The following HDAC5 variants were observed in gnomAD, a reference collection of about 807,000 sequenced individuals.
HDAC5 encodes the protein antigen NY-CO-9.
A neutral mutation model predicts 133.3 loss-of-function variants in HDAC5; 25 were observed. The ratio of observed to expected loss-of-function variants is 0.19; its 90% CI spans 0.14 to 0.26. The LOEUF is 0.26. Ranked by LOEUF, HDAC5 falls within the 10% of genes least tolerant of loss-of-function variation. The probability of loss-of-function intolerance (pLI) is 1.00; values close to 1 mark genes in which losing one functional copy is unlikely to be tolerated. For synonymous variants in HDAC5, 589 were observed against 610.8 expected (o/e 0.96, Z 0.53); for missense variants, 1,041 against 1,460.5 (o/e 0.71, Z 4.68).
chr17:44,104,629 G>A (rs551773005), intron 3 of HDAC5, among the ~76,000 whole-genome samples: 13 of 152,302 alleles, frequency 8.5e-5, no homozygotes, highest in African/African-American at 2.9e-4. Flanking sequence ...CACCTGCCTC[G>A]CTACCTCCAG....
At chr17:44,083,223 G>A (rs975048590) in intron 18 of HDAC5, among the ~76,000 whole-genome samples, 3 of 152,040 alleles carry the variant, frequency 2.0e-5, no homozygotes, top group Admixed American at 6.6e-5. Context: ...TGCCCACCTC[G>A]GCCTCCCAAA....
intron 12 of HDAC5, among the ~76,000 whole-genome samples, chr17:44,087,907 G>A (rs889317553): frequency 3.3e-5 from 5 of 151,842 alleles, no homozygotes; most frequent in African/African-American, 1.2e-4. Context: ...GCAGTGGCAC[G>A]ATCTCGGCTC....
intron 14 of HDAC5, among the ~76,000 whole-genome samples, chr17:44,085,513 T>G (rs190351305): frequency 1.8e-4 from 27 of 151,654 alleles, no homozygotes; most frequent in African/African-American, 6.5e-4. Context: ...TAGCTTTTCT[T>G]TTGTTTTTTT....
At chr17:44,120,553 C>G (rs2052922360) in intron 1 of HDAC5, 1 of 152,138 alleles carries the variant, frequency 6.6e-6, no homozygotes, top group Admixed American at 6.5e-5. Context: ...CCAGCCTGAT[C>G]AACATGGAGA....
chr17:44,106,859 C>T (rs999069055), intron 3 of HDAC5, among the ~76,000 whole-genome samples: 5 of 151,916 alleles, frequency 3.3e-5, no homozygotes, highest in African/African-American at 4.8e-5. Flanking sequence ...CCACCGAGCC[C>T]GGCCAAAAGT....
intron 1 of HDAC5, 186 bp downstream of exon 1, chr17:44,123,318 C>G (rs1026495176): frequency 3.1e-5 from 10 of 327,316 alleles, no homozygotes; most frequent in African/African-American, 1.7e-4. Flanking sequence ...CCCGATGTCC[C>G]GCTCACGGGC....
chr17:44,093,085 C>A lies in HDAC5; in HGVS notation c.641+7G>T, dbSNP rs1057127266. 1 of 1,601,078 alleles carries A rather than the reference C, an allele frequency of 6.2e-7. No homozygotes were observed. Among genetic ancestry groups the A allele is most frequent in the Non-Finnish European group, 8.5e-7 (1 of 1,171,724 alleles). ...TATGCCCACCCATGCCTGCCCAGGG[C>A]CATTACCAGCATTTGGGGTGCTGTG... On this transcript the variant is annotated splice_region_variant and intron_variant, in intron 6 of 26. Transcript: ENST00000682912.
intron 3 of HDAC5, among the ~76,000 whole-genome samples, chr17:44,106,693 C>T (rs1483510084): frequency 6.6e-6 from 1 of 151,716 alleles, no homozygotes; most frequent in Admixed American, 6.6e-5. Flanking sequence ...CAGGTTCAAG[C>T]GATTCTCCTG....
chr17:44,082,731 G>A (rs371805085), intron 19 of HDAC5, 34 bp downstream of exon 19: 9 of 1,605,918 alleles, frequency 5.6e-6, no homozygotes, highest in Non-Finnish European at 6.8e-6. Flanking sequence ...CAAGAGACAG[G>A]AAGGGGCGAG....
chr17:44,098,465 G>A (rs188185892), intron 3 of HDAC5, among the ~76,000 whole-genome samples: 2 of 152,326 alleles, frequency 1.3e-5, no homozygotes, highest in East Asian at 3.9e-4. Flanking sequence ...TGGGCCAGGC[G>A]CAGTGGCTCA....
intron 4 of HDAC5, 37 bp from the exon 5 acceptor site, chr17:44,093,522 G>A (rs369971207): frequency 6.3e-7 from 1 of 1,598,594 alleles, no homozygotes; most frequent in Non-Finnish European, 8.5e-7. Flanking sequence ...AAGTGAGCCA[G>A]GCCCGGGCGG....
chr17:44,110,201 G>A (rs1290629912), intron 3 of HDAC5, among the ~76,000 whole-genome samples: 1 of 152,200 alleles, frequency 6.6e-6, no homozygotes, highest in African/African-American at 2.4e-5. Context: ...CATCATGACT[G>A]CACCAAGCCT....
chr17:44,086,510 A>G (rs1039989504), intron 14 of HDAC5, 62 bp downstream of exon 14: 2 of 1,242,848 alleles, frequency 1.6e-6, no homozygotes, highest in Admixed American at 8.1e-5. Context: ...GCCATGGGGC[A>G]GACACCACAC....
chr17:44,084,741 T>A, intron 15 of HDAC5, 66 bp from the exon 16 acceptor site: 3 of 1,576,200 alleles, frequency 1.9e-6, no homozygotes, highest in Non-Finnish European at 2.6e-6. Flanking sequence ...CTCTGCCCCA[T>A]AGCCAGGGCA....
rs2050148145 is a variant in HDAC5 at position 44,076,841 on chromosome 17, A to G, written c.*1535T>C. Reference sequence around the variant, plus strand: ...AACTGAAATCCATATCCAGGGAGACAAAGCAAGGAGTGGGTTTACATGAGA... The same window carrying G: ...AACTGAAATCCATATCCAGGGAGACGAAGCAAGGAGTGGGTTTACATGAGA... On this transcript the variant is annotated 3_prime_UTR_variant, in exon 27 of 27. Coordinates refer to ENST00000682912, the MANE Select transcript of HDAC5 (RefSeq NM_005474.5). 6.2e-6 allele frequency: 1 copy of G among 161,104 alleles called. No homozygotes were observed. The highest frequency in any genetic ancestry group is 1.4e-5 in the Non-Finnish European group (1 of 72,798). The allele number at this position is 161,104 out of a possible 1,614,324, so 10.0% of individuals were successfully genotyped here. A position where few individuals can be genotyped will look rare whatever the true frequency, so the allele number is the denominator to read the frequency against.
At chr17:44,109,310 G>A (rs2052189664) in intron 3 of HDAC5, among the ~76,000 whole-genome samples, 1 of 152,162 alleles carries the variant, frequency 6.6e-6, no homozygotes, top group African/African-American at 2.4e-5. Context: ...TGGACCTGTG[G>A]ACTCCAGACC....
chr17:44,091,575 C>A, intron 10 of HDAC5, 83 bp from the exon 11 acceptor site: 1 of 1,485,786 alleles, frequency 6.7e-7, no homozygotes, highest in Non-Finnish European at 9.0e-7. Context: ...TATCTACCCC[C>A]CAAGCTCTGG....
chr17:44,111,654 G>A (rs188117064), intron 2 of HDAC5: 1 of 517,812 alleles, frequency 1.9e-6, no homozygotes, highest in Admixed American at 1.9e-5. Flanking sequence ...AGTTCTAATA[G>A]CCCCATGGAG....
At chr17:44,123,243 C>A (rs933785626) in intron 1 of HDAC5, 7 of 291,894 alleles carry the variant, frequency 2.4e-5, no homozygotes, top group East Asian at 1.2e-4. Context: ...GAAGGCGGGC[C>A]CCTCCCTTAC....
Sources: allele counts gnomAD v4.1 joint callset (sites outside exome capture counted in the v4.1 genomes callset), GRCh38; gene constraint gnomAD v4.1.1; transcripts MANE v1.5; gene names NCBI Gene and HGNC (gene_info 2026-07-23, HGNC 2026-07-21).